Variants in KCNQ1OT1 observed in about 807,000 individuals in gnomAD.
The protein encoded by KCNQ1OT1 is KCNQ1 opposite strand/antisense transcript 1.
chr11:2,662,364 T>C, exon 1 of KCNQ1OT1: 1 of 549,224 alleles, frequency 1.8e-6, no homozygotes. Context: ...CTGAGATTGT[T>C]TTTCTCTCCC....
At chr11:2,631,177 C>G (rs1849346535) in exon 1 of KCNQ1OT1, 2 of 398,416 alleles carry the variant, frequency 5.0e-6, no homozygotes, top group African/African-American at 4.1e-5. Context: ...AATTAACTTT[C>G]TACCCTTTAC....
chr11:2,674,889 T>G lies in KCNQ1OT1; in HGVS notation n.25106A>C. ...CACTGGGCACCTTGGCTGCAGGGTCTGAAAAGTCCTTTGTGTTAGCTCCAG... is the reference window on the plus strand; with the variant it reads ...CACTGGGCACCTTGGCTGCAGGGTCGGAAAAGTCCTTTGTGTTAGCTCCAG... On this transcript the variant is annotated non_coding_transcript_exon_variant, in exon 1 of 1. Transcript: ENST00000597346. The surrounding 1 kb of genome is among the most constrained non-coding windows in gnomAD (Gnocchi z 5.9). The G allele has an allele frequency of 2.5e-6, 1 of 395,270 alleles. No homozygotes were observed. The highest frequency in any genetic ancestry group is 4.4e-6 in the Non-Finnish European group (1 of 225,372). 24.5% of individuals were successfully genotyped at this position (395,270 alleles called of 1,614,324 possible).
exon 1 of KCNQ1OT1, chr11:2,649,022 CTG>C: frequency 4.7e-6 from 1 of 212,464 alleles, no homozygotes; most frequent in Non-Finnish European, 7.5e-6. Context: ...TATTTTTTGT[CTG>C]TCTACTCCTG....
chr11:2,627,924 A>C lies in KCNQ1OT1; in HGVS notation n.72071T>G. Reference sequence around the variant, plus strand: ...CACCCCCATGCCCAGCTAATTTTTAAAATTTTATGTAGAGATAGGGTATCA... The same window carrying C: ...CACCCCCATGCCCAGCTAATTTTTACAATTTTATGTAGAGATAGGGTATCA... On this transcript the variant is annotated non_coding_transcript_exon_variant, in exon 1 of 1. Transcript: ENST00000597346. This position sits in a 1 kb window ranked among gnomAD's most constrained non-coding sequence, Gnocchi z 4.9. 1 of 398,244 alleles carries C rather than the reference A, an allele frequency of 2.5e-6. No homozygotes were observed. Among genetic ancestry groups the C allele is most frequent in the Non-Finnish European group, 4.4e-6 (1 of 225,978 alleles). 24.7% of individuals were successfully genotyped at this position (398,244 alleles called of 1,614,324 possible). A position where few individuals can be genotyped will look rare whatever the true frequency, so the allele number is the denominator to read the frequency against.
rs943167233 is a variant in KCNQ1OT1 at position 2,656,130 on chromosome 11, T to C, written n.43865A>G. 62 of 398,556 alleles carry C rather than the reference T, an allele frequency of 1.6e-4. No individual in the cohort carries two copies. Among genetic ancestry groups the C allele is most frequent in the Middle Eastern group, 1.2e-3 (2 of 1,610 alleles). The allele number at this position is 398,556 out of a possible 1,614,324, so 24.7% of individuals were successfully genotyped here. ...ACTCTACGTTCTAGCCTGTGCTCCA[T>C]CGTTCCTTCTACATACAAGTGATGC... On this transcript the variant is annotated non_coding_transcript_exon_variant, in exon 1 of 1. Transcript: ENST00000597346.
Position 2,670,775 on chromosome 11 carries a change from T to C in KCNQ1OT1, n.29220A>G. 2.5e-6 allele frequency: 1 copy of C among 398,540 alleles called. No individual in the cohort carries two copies. The highest frequency in any genetic ancestry group is 4.4e-6 in the Non-Finnish European group (1 of 226,070). The allele number at this position is 398,540 out of a possible 1,614,324, so 24.7% of individuals were successfully genotyped here. ...TGGCCAGTGGCTCTTGTGGCTGCCC[T>C]CTGCAATAAGAATTCTTCAAGTTCA... On this transcript the variant is annotated non_coding_transcript_exon_variant, in exon 1 of 1. Coordinates refer to ENST00000597346, the Ensembl canonical transcript of KCNQ1OT1. The surrounding 1 kb of genome is among the most constrained non-coding windows in gnomAD (Gnocchi z 4.9).
At position 2,668,473 on chromosome 11, in the gene KCNQ1OT1, C is replaced by A. The variant is rs2133865429; in HGVS notation, n.31522G>T. 2 of 398,596 alleles carry A rather than the reference C, an allele frequency of 5.0e-6. No homozygotes were observed. Among genetic ancestry groups the A allele is most frequent in the East Asian group, 3.6e-5 (1 of 28,070 alleles). The allele number at this position is 398,596 out of a possible 1,614,324, so 24.7% of individuals were successfully genotyped here. ...TAACACTTGGCATTTTCCGTCGTTT[C>A]CTTTTCAGCCATGATGGTGAATGTC... On this transcript the variant is annotated non_coding_transcript_exon_variant, in exon 1 of 1. Transcript: ENST00000597346. The surrounding 1 kb of genome is among the most constrained non-coding windows in gnomAD (Gnocchi z 4.3).
exon 1 of KCNQ1OT1, chr11:2,662,351 A>G: frequency 1.8e-6 from 1 of 559,164 alleles, no homozygotes; most frequent in Non-Finnish European, 3.2e-6. Flanking sequence ...ATGCTTTGAG[A>G]GTCTGAGATT....
At chr11:2,610,447 C>A in exon 1 of KCNQ1OT1, 2 of 398,266 alleles carry the variant, frequency 5.0e-6, no homozygotes, top group East Asian at 3.6e-5. Flanking sequence ...TATATTTGAT[C>A]CACTTTTTTG....
At chr11:2,697,868 A>G (rs1261827827) in exon 1 of KCNQ1OT1, 1 of 398,536 alleles carries the variant, frequency 2.5e-6, no homozygotes, top group African/African-American at 2.1e-5. Flanking sequence ...CTGATTCGCA[A>G]TTTTAAAAAA....
chr11:2,675,009 C>T lies in KCNQ1OT1; in HGVS notation n.24986G>A, dbSNP rs1021221247. The T allele has an allele frequency of 6.3e-5, 25 of 398,466 alleles. 1 individual carries two copies. Among genetic ancestry groups the T allele is most frequent in the Admixed American group, 2.6e-4 (6 of 22,708 alleles). The allele number at this position is 398,466 out of a possible 1,614,324, so 24.7% of individuals were successfully genotyped here. ...GGCGGGCACTCAGCCGGCTTCTTCC[C>T]GCCTGACTTCTCTGCCAGAGCCCAG... On this transcript the variant is annotated non_coding_transcript_exon_variant, in exon 1 of 1. Coordinates refer to ENST00000597346, the Ensembl canonical transcript of KCNQ1OT1.
chr11:2,666,102 A>T (rs1297296407), exon 1 of KCNQ1OT1: 1 of 398,532 alleles, frequency 2.5e-6, no homozygotes, highest in African/African-American at 2.1e-5. Flanking sequence ...CAGCCCAGTC[A>T]TGTGGTTTCT....
chr11:2,654,260 G>A lies in KCNQ1OT1; in HGVS notation n.45735C>T. ...CTGGGGAGGGCTTCTCCTTCACAGT[G>A]CAGGATCCGCAGGGCTTTGGTGAAT... On this transcript the variant is annotated non_coding_transcript_exon_variant, in exon 1 of 1. Coordinates refer to ENST00000597346, the Ensembl canonical transcript of KCNQ1OT1. This position sits in a 1 kb window ranked among gnomAD's most constrained non-coding sequence, Gnocchi z 6.4. 2.5e-6 allele frequency: 1 copy of A among 398,866 alleles called. No homozygotes were observed. Among genetic ancestry groups the A allele is most frequent in the Non-Finnish European group, 4.4e-6 (1 of 226,294 alleles). The allele number at this position is 398,866 out of a possible 1,614,324, so 24.7% of individuals were successfully genotyped here.
At chr11:2,619,603 G>A (rs1849129566) in exon 1 of KCNQ1OT1, 1 of 398,258 alleles carries the variant, frequency 2.5e-6, no homozygotes, top group Non-Finnish European at 4.4e-6. Context: ...CGGTATTCTT[G>A]GGTTATGTTG....
In KCNQ1OT1 at chr11:2,611,440, G is replaced by A. The variant is rs1205563097; in HGVS notation, n.88555C>T. 3 of 397,658 alleles carry A rather than the reference G, an allele frequency of 7.5e-6. No homozygotes were observed. Among genetic ancestry groups the A allele is most frequent in the African/African-American group, 6.2e-5 (3 of 48,604 alleles). 24.6% of individuals were successfully genotyped at this position (397,658 alleles called of 1,614,324 possible). On this transcript the variant is annotated non_coding_transcript_exon_variant, in exon 1 of 1. Coordinates refer to ENST00000597346, the Ensembl canonical transcript of KCNQ1OT1. The surrounding 1 kb of genome is among the most constrained non-coding windows in gnomAD (Gnocchi z 5.3). ...TTGACCAGGCTGGTCTTGAACTCCT[G>A]ACCTCGAGTGATCTGTCTGCCTCAG...
Position 2,608,454 on chromosome 11 carries a change from T to C in KCNQ1OT1, n.91541A>G, listed in dbSNP as rs1176687917. The C allele has an allele frequency of 5.0e-6, 2 of 398,474 alleles. No homozygotes were observed. Among genetic ancestry groups the C allele is most frequent in the Non-Finnish European group, 8.8e-6 (2 of 226,064 alleles). 24.7% of individuals were successfully genotyped at this position (398,474 alleles called of 1,614,324 possible). A position where few individuals can be genotyped will look rare whatever the true frequency, so the allele number is the denominator to read the frequency against. On this transcript the variant is annotated non_coding_transcript_exon_variant, in exon 1 of 1. Coordinates refer to ENST00000597346, the Ensembl canonical transcript of KCNQ1OT1. The surrounding 1 kb of genome is among the most constrained non-coding windows in gnomAD (Gnocchi z 4.6). ...CTTTTTATTTCTGTCAGGTTGGTAG[T>C]ATACTTCCCTCATTCATTCCTTTTT... is the stretch of plus-strand genomic sequence containing the variant.
In KCNQ1OT1 at chr11:2,616,238, G is replaced by A. The variant is rs148720314; in HGVS notation, n.83757C>T. 988 of 389,430 alleles carry A rather than the reference G, an allele frequency of 2.5e-3. 6 individuals are homozygous for A. Among genetic ancestry groups the A allele is most frequent in the Admixed American group, 8.8e-3 (193 of 21,842 alleles). 24.1% of individuals were successfully genotyped at this position (389,430 alleles called of 1,614,324 possible). A position where few individuals can be genotyped will look rare whatever the true frequency, so the allele number is the denominator to read the frequency against. ...TCTTATTTTTGTTTTTTTTTGTTGT[G>A]TTCCTACTTTTGTTTATGATTTTAG... On this transcript the variant is annotated non_coding_transcript_exon_variant, in exon 1 of 1. Coordinates refer to ENST00000597346, the Ensembl canonical transcript of KCNQ1OT1.
In KCNQ1OT1 at chr11:2,647,781, T is replaced by C; in HGVS notation, n.52214A>G. 1 of 398,564 alleles carries C rather than the reference T, an allele frequency of 2.5e-6. No individual in the cohort carries two copies. The allele number at this position is 398,564 out of a possible 1,614,324, so 24.7% of individuals were successfully genotyped here. On this transcript the variant is annotated non_coding_transcript_exon_variant, in exon 1 of 1. Transcript: ENST00000597346. This position sits in a 1 kb window ranked among gnomAD's most constrained non-coding sequence, Gnocchi z 4.0. Reference sequence around the variant, plus strand: ...TCTAGGTTTTCTAATTGTTGACATATAGTTGTTCATAATGGTCTCTAATAA... The same window carrying C: ...TCTAGGTTTTCTAATTGTTGACATACAGTTGTTCATAATGGTCTCTAATAA...
Position 2,657,066 on chromosome 11 carries a change from G to C in KCNQ1OT1, n.42929C>G, listed in dbSNP as rs565776113. The C allele has an allele frequency of 1.0e-5, 4 of 398,578 alleles. No individual in the cohort carries two copies. The East Asian group carries it at 1.4e-4, about 14-fold the overall frequency. 24.7% of individuals were successfully genotyped at this position (398,578 alleles called of 1,614,324 possible). On this transcript the variant is annotated non_coding_transcript_exon_variant, in exon 1 of 1. Coordinates refer to ENST00000597346, the Ensembl canonical transcript of KCNQ1OT1. This position sits in a 1 kb window ranked among gnomAD's most constrained non-coding sequence, Gnocchi z 4.8. ...GGGCTGTTTCCCAATGCTCAATCCT[G>C]TCCCATTGGCCTATTTGTCTCTCCC...
Sources: gnomAD v4.1 joint callset for allele counts on GRCh38, gnomAD v4.1.1 for gene constraint, Gnocchi (gnomAD v3.1) non-coding constraint, MANE v1.5 for transcripts, NCBI Gene and HGNC (gene_info 2026-07-23, HGNC 2026-07-21) for gene names.